ARB2A: variants seen among roughly 807,000 people sequenced by gnomAD.
The protein encoded by ARB2A is ARB2 cotranscriptional regulator A.
chr5:93,776,037 A>T, the ARB2A span: 2 of 781,360 alleles, frequency 2.6e-6, no homozygotes, highest in Non-Finnish European at 2.1e-6. Flanking sequence ...CATTACCAAT[A>T]ATTCATCTAA....
chr5:93,843,755 A>C, the ARB2A span, among the ~76,000 whole-genome samples: 1 of 152,196 alleles, frequency 6.6e-6, no homozygotes, highest in Admixed American at 6.5e-5. Flanking sequence ...TAAATGATTA[A>C]GTTAAAGAAA....
the ARB2A span, among the ~76,000 whole-genome samples, chr5:93,817,087 AACACACACAC>A: frequency 9.0e-5 from 13 of 144,344 alleles, no homozygotes; most frequent in Middle Eastern, 3.7e-3. Flanking sequence ...AATACACACA[AACACACACAC>A]ACACACACAC....
the ARB2A span, among the ~76,000 whole-genome samples, chr5:94,080,105 G>A: frequency 3.3e-5 from 5 of 152,016 alleles, no homozygotes; most frequent in Non-Finnish European, 7.4e-5. Flanking sequence ...ATAATATGTA[G>A]CAGATATGGG....
the ARB2A span, among the ~76,000 whole-genome samples, chr5:93,779,884 A>T: frequency 6.6e-6 from 1 of 152,158 alleles, no homozygotes; most frequent in Non-Finnish European, 1.5e-5. Flanking sequence ...TGGATTAGAA[A>T]TGCCTACAGG....
the ARB2A span, among the ~76,000 whole-genome samples, chr5:93,676,000 T>C: frequency 6.6e-6 from 1 of 152,216 alleles, no homozygotes; most frequent in Admixed American, 6.5e-5. Flanking sequence ...TTTTGGTATA[T>C]AAAGCTTTAA....
At chr5:93,626,295 A>G in the ARB2A span, among the ~76,000 whole-genome samples, 1 of 152,254 alleles carries the variant, frequency 6.6e-6, no homozygotes, top group Non-Finnish European at 1.5e-5. Flanking sequence ...ACATGCATAC[A>G]CACATACTAA....
At chr5:93,668,797 T>C in the ARB2A span, among the ~76,000 whole-genome samples, 2 of 152,182 alleles carry the variant, frequency 1.3e-5, no homozygotes, top group Non-Finnish European at 2.9e-5. Flanking sequence ...TCATTTCTTA[T>C]CATTCATCCA....
the ARB2A span, among the ~76,000 whole-genome samples, chr5:93,935,276 C>T: frequency 5.9e-5 from 9 of 152,210 alleles, no homozygotes; most frequent in East Asian, 1.7e-3. Flanking sequence ...AACAGTACTA[C>T]AGGAAAACAC....
At chr5:93,803,382 G>C in the ARB2A span, among the ~76,000 whole-genome samples, 2 of 151,754 alleles carry the variant, frequency 1.3e-5, no homozygotes. Context: ...TATTAATATA[G>C]GCATAAAGTG....
the ARB2A span, among the ~76,000 whole-genome samples, chr5:93,886,572 A>C: frequency 2.0e-5 from 3 of 151,628 alleles, no homozygotes; most frequent in Admixed American, 1.3e-4. Context: ...TGTTTCCAAG[A>C]AGGGTATGTA....
At chr5:93,633,772 CT>C in the ARB2A span, among the ~76,000 whole-genome samples, 1 of 152,104 alleles carries the variant, frequency 6.6e-6, no homozygotes, top group Non-Finnish European at 1.5e-5. Context: ...AGGGGTCAGA[CT>C]TTACTCATCT....
At chr5:94,048,130 C>T in the ARB2A span, among the ~76,000 whole-genome samples, 1 of 125,292 alleles carries the variant, frequency 8.0e-6, no homozygotes, top group East Asian at 2.7e-4. Flanking sequence ...TCTCTGTTCA[C>T]TGCAACCTCC....
chr5:93,930,174 C>T, the ARB2A span, among the ~76,000 whole-genome samples: 2 of 152,262 alleles, frequency 1.3e-5, no homozygotes, highest in Non-Finnish European at 2.9e-5. Flanking sequence ...CCCACTACTG[C>T]ATTTTCATGG....
the ARB2A span, among the ~76,000 whole-genome samples, chr5:93,763,219 G>A: frequency 6.6e-5 from 10 of 151,988 alleles, no homozygotes; most frequent in African/African-American, 2.4e-4. Flanking sequence ...ATGCAAATGG[G>A]CTAAATGCTC....
At chr5:94,007,905 C>T in the ARB2A span, among the ~76,000 whole-genome samples, 2 of 152,062 alleles carry the variant, frequency 1.3e-5, no homozygotes, top group Admixed American at 6.6e-5. Flanking sequence ...ATGGGAGCAA[C>T]ACAATGGCCT....
the ARB2A span, among the ~76,000 whole-genome samples, chr5:93,832,776 C>A: frequency 6.6e-6 from 1 of 152,124 alleles, no homozygotes; most frequent in South Asian, 2.1e-4. Flanking sequence ...TACTCCCCTA[C>A]AAGTGCTGAT....
the ARB2A span, among the ~76,000 whole-genome samples, chr5:93,894,070 C>T: frequency 6.6e-6 from 1 of 152,028 alleles, no homozygotes; most frequent in East Asian, 1.9e-4. Context: ...TGCTGTGCTG[C>T]CAATTTTTAA....
At chr5:93,707,653 C>A in the ARB2A span, among the ~76,000 whole-genome samples, 2 of 150,518 alleles carry the variant, frequency 1.3e-5, no homozygotes, top group African/African-American at 4.9e-5. Flanking sequence ...CGACTCACTG[C>A]AACCTCTGCC....
At chr5:93,780,981 T>C in the ARB2A span, among the ~76,000 whole-genome samples, 1 of 152,238 alleles carries the variant, frequency 6.6e-6, no homozygotes, top group Non-Finnish European at 1.5e-5. Flanking sequence ...TAGCTTTTTA[T>C]AAAATGGATA....
Sources: allele counts gnomAD v4.1 joint callset (sites outside exome capture counted in the v4.1 genomes callset), GRCh38; gene constraint gnomAD v4.1.1; transcripts MANE v1.5; gene names NCBI Gene and HGNC (gene_info 2026-07-23, HGNC 2026-07-21).